SMAP1: variants seen among roughly 807,000 people sequenced by gnomAD.
SMAP1 encodes the protein small ArfGAP 1.
Under a neutral mutation model 58.5 loss-of-function variants are expected in SMAP1, and 24 were observed. That is an observed-to-expected ratio of 0.41 (90% CI 0.30 to 0.58). The LOEUF (loss-of-function observed/expected upper bound fraction) is 0.58, where lower values mean the gene tolerates loss of function less well. Among genes scored for constraint, SMAP1 ranks in the 20% least tolerant of loss-of-function variants. The probability of loss-of-function intolerance (pLI) is 0.29; values close to 1 mark genes in which losing one functional copy is unlikely to be tolerated. For synonymous variants in SMAP1, 216 were observed against 196.6 expected, an observed-to-expected ratio of 1.10 and a Z score of -0.82; for missense variants, 563 against 566.3, an observed-to-expected ratio of 0.99 and a Z score of 0.06.
chr6:70,672,281 T>C (rs79172496), intron 1 of SMAP1, among the ~76,000 whole-genome samples: 1,740 of 152,342 alleles, frequency 0.011, 13 homozygotes, highest in Non-Finnish European at 0.02. Context: ...ACCTTGACTT[T>C]TGCCCATTGG....
intron 1 of SMAP1, among the ~76,000 whole-genome samples, chr6:70,717,860 A>G (rs1240339284): frequency 6.6e-6 from 1 of 152,236 alleles, no homozygotes; most frequent in Non-Finnish European, 1.5e-5. Flanking sequence ...CTCTTAGAAG[A>G]TTAAATACTT....
chr6:70,849,936 T>C (rs541917886), intron 7 of SMAP1, among the ~76,000 whole-genome samples: 2 of 152,310 alleles, frequency 1.3e-5, no homozygotes, highest in South Asian at 4.1e-4. Context: ...TTGCTCCTGC[T>C]CTGTGACACT....
intron 4 of SMAP1, among the ~76,000 whole-genome samples, chr6:70,781,533 A>G (rs1767764000): frequency 6.6e-6 from 1 of 152,226 alleles, no homozygotes; most frequent in Non-Finnish European, 1.5e-5. Context: ...TTGCTGTGAT[A>G]AAATTTCTAC....
At chr6:70,768,588 G>T (rs1312661688) in intron 3 of SMAP1, among the ~76,000 whole-genome samples, 2 of 152,138 alleles carry the variant, frequency 1.3e-5, no homozygotes, top group Non-Finnish European at 1.5e-5. Context: ...TGTGGGATCG[G>T]TGGTGATATC....
At chr6:70,731,671 A>G (rs1300160274) in intron 1 of SMAP1, among the ~76,000 whole-genome samples, 4 of 152,226 alleles carry the variant, frequency 2.6e-5, no homozygotes, top group Non-Finnish European at 5.9e-5. Context: ...CACACTGTAT[A>G]TATTCATCTG....
At chr6:70,684,248 C>T (rs561263857) in intron 1 of SMAP1, among the ~76,000 whole-genome samples, 3 of 152,092 alleles carry the variant, frequency 2.0e-5, no homozygotes, top group East Asian at 1.9e-4. Flanking sequence ...CTGTAAATAG[C>T]GTGGAAATAA....
chr6:70,686,585 C>CTT (rs1766943863), intron 1 of SMAP1, among the ~76,000 whole-genome samples: 1 of 152,048 alleles, frequency 6.6e-6, no homozygotes, highest in Non-Finnish European at 1.5e-5. Flanking sequence ...ACACACATTT[C>CTT]TTTTTTAGCA....
intron 5 of SMAP1, among the ~76,000 whole-genome samples, chr6:70,796,729 T>A (rs138223629): frequency 9.3e-4 from 142 of 152,336 alleles, no homozygotes; most frequent in African/African-American, 3.2e-3. Flanking sequence ...TATGTTAATA[T>A]CCTTAATGTT....
rs186745050 is a variant in SMAP1, at chr6:70,776,276, G to A, written c.414+2851G>A. Among the ~76,000 whole-genome samples, 1,078 of 152,132 alleles carry A rather than the reference G, an allele frequency of 7.1e-3. 19 individuals are homozygous for A. The highest frequency in any genetic ancestry group is 0.025 in the African/African-American group (1,030 of 41,490). ...TGGCTCACTGCAACCTCTGCCTTGC[G>A]GGTTCAAGCAATTCTTCTGCCTCAG... is the stretch of plus-strand genomic sequence containing the variant. On this transcript the variant is annotated intron_variant, in intron 4 of 10. Transcript: ENST00000370455.
At chr6:70,855,833 T>C (rs1459911929) in intron 8 of SMAP1, among the ~76,000 whole-genome samples, 4 of 152,236 alleles carry the variant, frequency 2.6e-5, no homozygotes, top group African/African-American at 9.6e-5. Flanking sequence ...TATTGTGATA[T>C]TTAGTATTCC....
intron 2 of SMAP1, among the ~76,000 whole-genome samples, chr6:70,739,322 A>G (rs1272538780): frequency 6.6e-6 from 1 of 152,152 alleles, no homozygotes; most frequent in African/African-American, 2.4e-5. Context: ...CATAAATAAA[A>G]TATATAATTA....
intron 5 of SMAP1, among the ~76,000 whole-genome samples, chr6:70,792,790 G>A (rs1437895656): frequency 7.9e-5 from 12 of 152,048 alleles, no homozygotes; most frequent in Admixed American, 5.2e-4. Flanking sequence ...GCCCACTGAA[G>A]GAGTTTGATT....
At chr6:70,819,561 C>T (rs1045463026) in intron 6 of SMAP1, among the ~76,000 whole-genome samples, 3 of 152,074 alleles carry the variant, frequency 2.0e-5, no homozygotes, top group African/African-American at 4.8e-5. Context: ...GTTTCAGTCT[C>T]CCTTTATTCT....
intron 3 of SMAP1, among the ~76,000 whole-genome samples, chr6:70,756,477 G>T (rs1766495883): frequency 6.6e-6 from 1 of 152,082 alleles, no homozygotes; most frequent in Non-Finnish European, 1.5e-5. Context: ...GTTATAGAAA[G>T]TTTGCAGGGT....
At chr6:70,738,779 A>C (rs1765710863) in intron 2 of SMAP1, among the ~76,000 whole-genome samples, 1 of 152,180 alleles carries the variant, frequency 6.6e-6, no homozygotes. Context: ...GGTAGCTTAA[A>C]AAACAACTAA....
intron 6 of SMAP1, among the ~76,000 whole-genome samples, chr6:70,810,808 C>T (rs1327690310): frequency 6.6e-6 from 1 of 152,126 alleles, no homozygotes; most frequent in Non-Finnish European, 1.5e-5. Flanking sequence ...AACTCCTGGC[C>T]TCAAGTCAGG....
At chr6:70,836,879 G>T in intron 6 of SMAP1, 62 bp from the exon 7 acceptor site, 2 of 1,313,664 alleles carry the variant, frequency 1.5e-6, no homozygotes, top group Non-Finnish European at 2.1e-6. Context: ...AATTAATTGG[G>T]GCTTAAAATC....
chr6:70,842,662 G>T (rs576003973), intron 7 of SMAP1, among the ~76,000 whole-genome samples: 1 of 152,294 alleles, frequency 6.6e-6, no homozygotes, highest in South Asian at 2.1e-4. Context: ...TAAACATAAG[G>T]ACATCTAATT....
In SMAP1 at chr6:70,861,595, TA is replaced by T. The variant is rs1287346515; in HGVS notation, c.*1264del. The stretch of plus-strand genomic sequence containing the variant: ...AACAATACCTGAATGCTCTGTAGCC[TA>T]AACTCCAAACATCCTCTTCCATATG... On this transcript the variant is annotated 3_prime_UTR_variant, in exon 11 of 11. Coordinates refer to ENST00000370455, the MANE Select transcript of SMAP1 (RefSeq NM_001044305.3). 2 of 1,448,708 alleles carry T rather than the reference TA, an allele frequency of 1.4e-6. No individual in the cohort carries two copies. The highest frequency in any genetic ancestry group is 1.9e-6 in the Non-Finnish European group (2 of 1,041,648). 89.7% of individuals were successfully genotyped at this position (1,448,708 alleles called of 1,614,324 possible).
Sources: gnomAD v4.1 joint callset for allele counts (sites outside exome capture counted in the v4.1 genomes callset) on GRCh38, gnomAD v4.1.1 for gene constraint, MANE v1.5 for transcripts, NCBI Gene and HGNC (gene_info 2026-07-23, HGNC 2026-07-21) for gene names.